ZDHHC17: variants seen among roughly 807,000 people sequenced by gnomAD.
ZDHHC17 encodes the protein palmitoyltransferase ZDHHC17.
Under a neutral mutation model 90.3 loss-of-function variants are expected in ZDHHC17, and 40 were observed. That is an observed-to-expected ratio of 0.44 (90% CI 0.34 to 0.58). The LOEUF (loss-of-function observed/expected upper bound fraction) is 0.58, where lower values mean the gene tolerates loss of function less well. Among genes scored for constraint, ZDHHC17 ranks in the 20% least tolerant of loss-of-function variants. The pLI, the probability that ZDHHC17 is intolerant of heterozygous loss-of-function variation, is 0.01. For missense variants in ZDHHC17, 614 were observed against 780.8 expected (o/e 0.79, Z 2.55); for synonymous variants, 235 against 252.4 (o/e 0.93, Z 0.65).
At chr12:76,781,020 G>C (rs1025112453) in intron 1 of ZDHHC17, among the ~76,000 whole-genome samples, 1 of 151,262 alleles carries the variant, frequency 6.6e-6, no homozygotes, top group Non-Finnish European at 1.5e-5. Context: ...CGTAGTCCCA[G>C]CTACTCGGGA....
intron 2 of ZDHHC17, among the ~76,000 whole-genome samples, chr12:76,798,197 C>G (rs903067865): frequency 1.1e-4 from 17 of 152,054 alleles, no homozygotes. Context: ...AGAAATAAAA[C>G]GTAGTTAATG....
In ZDHHC17 at chr12:76,846,622, G is replaced by A; in HGVS notation, c.1450G>A (p.Gly484Ser). The A allele has an allele frequency of 6.2e-7, 1 of 1,612,162 alleles. No homozygotes were observed. Among genetic ancestry groups the A allele is most frequent in the Non-Finnish European group, 8.5e-7 (1 of 1,178,974 alleles). Residue 484 changes from glycine (G) to serine (S), a missense_variant, in exon 14 of 17, where the codon GGC becomes AGC. This residue lies in a region of ZDHHC17 where 111 missense variants were observed against 179.8 expected (regional missense o/e 0.62). Coordinates refer to ENST00000426126, the MANE Select transcript of ZDHHC17 (RefSeq NM_015336.4). ...TGCAGGCAACCATAGATATTTTATG[G>A]GCTACCTATTCTTCTTGCTTTTTAT... ...VGAGNHRYFM[G>S]YLFFLLFMIC...
chr12:76,814,988 T>G (rs949513894), intron 5 of ZDHHC17, among the ~76,000 whole-genome samples, 158 bp from the exon 6 acceptor site: 1 of 151,964 alleles, frequency 6.6e-6, no homozygotes, highest in African/African-American at 2.4e-5. Context: ...TGACAAGAGT[T>G]TCATTTTAAA....
At chr12:76,823,659 A>G (rs1953192968) in intron 8 of ZDHHC17, among the ~76,000 whole-genome samples, 1 of 152,210 alleles carries the variant, frequency 6.6e-6, no homozygotes, top group East Asian at 1.9e-4. Flanking sequence ...ATATTGATCT[A>G]TCTGTTACCA....
chr12:76,768,314 T>G (rs1353258515), intron 1 of ZDHHC17, among the ~76,000 whole-genome samples: 1 of 152,222 alleles, frequency 6.6e-6, no homozygotes. Flanking sequence ...TTAACTGGTC[T>G]CAGTTTTGTT....
intron 10 of ZDHHC17, among the ~76,000 whole-genome samples, chr12:76,837,605 G>A (rs1215391663): frequency 6.6e-6 from 1 of 152,158 alleles, no homozygotes; most frequent in Admixed American, 6.5e-5. Flanking sequence ...TTAATATACA[G>A]TGTGTCTTTT....
At chr12:76,840,015 C>G (rs959198041) in intron 10 of ZDHHC17, 1 of 152,310 alleles carries the variant, frequency 6.6e-6, no homozygotes, top group Middle Eastern at 3.4e-3. Context: ...CTCTAACTCA[C>G]TCTGTAATCT....
chr12:76,769,635 T>C (rs1952470654), intron 1 of ZDHHC17, among the ~76,000 whole-genome samples: 1 of 152,162 alleles, frequency 6.6e-6, no homozygotes, highest in Non-Finnish European at 1.5e-5. Flanking sequence ...CATATAATAA[T>C]AATCTAGATT....
chr12:76,816,042 A>G, intron 7 of ZDHHC17, 23 bp downstream of exon 7: 1 of 1,442,482 alleles, frequency 6.9e-7, no homozygotes, highest in African/African-American at 1.5e-5. Flanking sequence ...TATATTGATA[A>G]TACTGTATGA....
intron 1 of ZDHHC17, among the ~76,000 whole-genome samples, chr12:76,782,796 T>C (rs1490630973): frequency 6.6e-6 from 1 of 150,610 alleles, no homozygotes. Context: ...AGAACTGGGC[T>C]CAATTCCAAA....
chr12:76,765,021 C>T (rs992799418), intron 1 of ZDHHC17, among the ~76,000 whole-genome samples: 4 of 152,306 alleles, frequency 2.6e-5, no homozygotes, highest in African/African-American at 9.6e-5. Context: ...TGTAAGTAAA[C>T]AGTGCCCCGC....
intron 3 of ZDHHC17, among the ~76,000 whole-genome samples, chr12:76,808,711 A>G (rs1038107416): frequency 6.6e-6 from 1 of 152,186 alleles, no homozygotes; most frequent in Non-Finnish European, 1.5e-5. Context: ...CTATTCTGCA[A>G]CTATTCTAAT....
chr12:76,809,873 G>A lies in ZDHHC17; in HGVS notation c.543+16G>A, dbSNP rs1242967544. 1 of 1,605,036 alleles carries A rather than the reference G, an allele frequency of 6.2e-7. No homozygotes were observed. Among genetic ancestry groups the A allele is most frequent in the Admixed American group, 1.7e-5 (1 of 58,990 alleles). On this transcript the variant is annotated intron_variant, in intron 5 of 16. Transcript: ENST00000426126. ...AAAAGGACAGGTAAAAAAAATCTCA[G>A]TGGTATGGATTTTAATCAGATGTTC...
At chr12:76,833,826 A>G (rs1354239401) in intron 10 of ZDHHC17, among the ~76,000 whole-genome samples, 1 of 152,092 alleles carries the variant, frequency 6.6e-6, no homozygotes, top group East Asian at 1.9e-4. Flanking sequence ...ATACCCTTTA[A>G]TCTCTTAATC....
chr12:76,849,853 GAGTT>G (rs758062986), intron 16 of ZDHHC17, among the ~76,000 whole-genome samples: 2 of 152,146 alleles, frequency 1.3e-5, no homozygotes, highest in African/African-American at 2.4e-5. Flanking sequence ...AATAAAAACA[GAGTT>G]AGTTGGGTAG....
rs117923110 is a variant in ZDHHC17 at position 76,778,592 on chromosome 12, A to G, written c.93+14263A>G. 2.3e-3 allele frequency among the ~76,000 whole-genome samples: 343 copies of G among 152,348 alleles called. 3 individuals are homozygous for G. Among genetic ancestry groups the G allele is most frequent in the East Asian group, 0.022 (116 of 5,184 alleles). ...CAGATAACTTACGTTAGATCTAAAAATGGATGCTGAGTCAGCAACCATAAT... is the reference window on the plus strand; with the variant it reads ...CAGATAACTTACGTTAGATCTAAAAGTGGATGCTGAGTCAGCAACCATAAT... On this transcript the variant is annotated intron_variant, in intron 1 of 16. Transcript: ENST00000426126.
intron 10 of ZDHHC17, among the ~76,000 whole-genome samples, chr12:76,836,228 G>A (rs1953360964): frequency 6.6e-6 from 1 of 151,540 alleles, no homozygotes; most frequent in African/African-American, 2.4e-5. Flanking sequence ...AAAGGGTTTG[G>A]GTTAAATTGA....
intron 1 of ZDHHC17, among the ~76,000 whole-genome samples, chr12:76,776,048 T>C (rs1469753867): frequency 1.3e-5 from 2 of 152,084 alleles, no homozygotes; most frequent in Non-Finnish European, 2.9e-5. Context: ...AAACTTTTTT[T>C]CCTTATTTGT....
In ZDHHC17 at chr12:76,764,281, G is replaced by A. The variant is rs772805087; in HGVS notation, c.45G>A (p.Pro15=). ...TTAACACCAAGATGGCGGACGGCCCGGATGAGTACGATACCGAAGCGGGCT... is the reference window on the plus strand; with the variant it reads ...TTAACACCAAGATGGCGGACGGCCCAGATGAGTACGATACCGAAGCGGGCT... ...EGFNTKMADG[P]DEYDTEAGCV... The change falls in exon 1 of 17, where the codon CCG becomes CCA. Residue 15 remains proline (P), a synonymous_variant. Coordinates refer to ENST00000426126, the MANE Select transcript of ZDHHC17 (RefSeq NM_015336.4). 24 of 1,607,168 alleles carry A rather than the reference G, an allele frequency of 1.5e-5. No individual in the cohort carries two copies. Among genetic ancestry groups the A allele is most frequent in the Admixed American group, 6.7e-5 (4 of 59,266 alleles).
Sources: allele counts gnomAD v4.1 joint callset (sites outside exome capture counted in the v4.1 genomes callset), GRCh38; gene constraint gnomAD v4.1.1; regional missense constraint gnomAD v4.1.1; transcripts MANE v1.5; gene names NCBI Gene and HGNC (gene_info 2026-07-23, HGNC 2026-07-21).